The following TTC34 variants were observed in gnomAD, a reference collection of about 807,000 sequenced individuals.
The protein encoded by TTC34 is tetratricopeptide repeat domain 34, also known as tetratricopeptide repeat protein 34.
Under a neutral mutation model 40.7 loss-of-function variants are expected in TTC34, and 44 were observed. That is an observed-to-expected ratio of 1.08 (90% CI 0.85 to 1.39). The LOEUF (loss-of-function observed/expected upper bound fraction) is 1.39. Among genes scored for constraint, TTC34 ranks in the 40% most tolerant of loss-of-function variants. TTC34 has a pLI of 0.00. For synonymous variants in TTC34, 422 were observed against 398.6 expected (o/e 1.06, Z -0.70); for missense variants, 884 against 838.0 (o/e 1.05, Z -0.68).
At chr1:2,685,931 C>T (rs1640318462) in intron 6 of TTC34, among the ~76,000 whole-genome samples, 3 of 145,132 alleles carry the variant, frequency 2.1e-5, no homozygotes, top group Non-Finnish European at 3.0e-5. Context: ...CCCAGGTGAG[C>T]ATGTGACAGC....
intron 6 of TTC34, among the ~76,000 whole-genome samples, chr1:2,683,873 C>A (rs1441181938): frequency 2.1e-3 from 296 of 143,184 alleles, no homozygotes; most frequent in African/African-American, 6.6e-3. Context: ...AGAACCCACA[C>A]CCCGAGGCGA....
intron 6 of TTC34, among the ~76,000 whole-genome samples, chr1:2,764,496 C>G (rs1371806634): frequency 6.7e-6 from 1 of 149,856 alleles, no homozygotes; most frequent in Admixed American, 6.7e-5. Flanking sequence ...GGAGCAGCGT[C>G]CACACCCCCA....
In TTC34 at chr1:2,645,587, G is replaced by GGGGGGGGGGGGCCCC; in HGVS notation, c.2227-25_2227-24insGGGGCCCCCCCCCCC. ...TCCTGCAAGGAGGGAGGGCGGGCGG[G>GGGGGGGGGGGGCCCC]TGCAGAGTTGTCCTAAGTAGAGAAA... On this transcript the variant is annotated intron_variant, in intron 6 of 8. Transcript: ENST00000401095. This position sits in a 1 kb window ranked among gnomAD's most constrained non-coding sequence, Gnocchi z 4.7. 2 of 229,534 alleles carry GGGGGGGGGGGGCCCC rather than the reference G, an allele frequency of 8.7e-6. No homozygotes were observed. Among genetic ancestry groups the GGGGGGGGGGGGCCCC allele is most frequent in the Non-Finnish European group, 1.7e-5 (2 of 116,456 alleles). 14.2% of individuals were successfully genotyped at this position (229,534 alleles called of 1,614,324 possible). A position where few individuals can be genotyped will look rare whatever the true frequency, so the allele number is the denominator to read the frequency against.
In TTC34 at chr1:2,645,584, C is replaced by T. The variant is rs781725254; in HGVS notation, c.2227-21G>A. ...GCTTCCTGCAAGGAGGGAGGGCGGG[C>T]GGGTGCAGAGTTGTCCTAAGTAGAG... On this transcript the variant is annotated intron_variant, in intron 6 of 8. Transcript: ENST00000401095. This position sits in a 1 kb window ranked among gnomAD's most constrained non-coding sequence, Gnocchi z 4.7. 34 of 42,418 alleles carry T rather than the reference C, an allele frequency of 8.0e-4. No homozygotes were observed. The highest frequency in any genetic ancestry group is 8.6e-3 in the Middle Eastern group (1 of 116). The allele number at this position is 42,418 out of a possible 1,614,324, so 2.6% of individuals were successfully genotyped here.
intron 6 of TTC34, among the ~76,000 whole-genome samples, chr1:2,765,724 GAGCATCTGACAGCCTGGAGCAGCGCC>G (rs1641768802): frequency 2.0e-5 from 1 of 50,132 alleles, no homozygotes; most frequent in Non-Finnish European, 3.2e-5. Flanking sequence ...ACCCCCAGGC[GAGCATCTGACAGCCTGGAGCAGCGCC>G]CACACCCCCA....
chr1:2,794,007 T>G (rs973902029), intron 2 of TTC34, among the ~76,000 whole-genome samples: 2 of 151,132 alleles, frequency 1.3e-5, no homozygotes, highest in African/African-American at 4.9e-5. Flanking sequence ...ATAGATATTC[T>G]TTCTTTTCTG....
intron 4 of TTC34, among the ~76,000 whole-genome samples, chr1:2,786,349 C>T (rs1322472927): frequency 3.3e-5 from 5 of 152,204 alleles, no homozygotes; most frequent in Admixed American, 6.5e-5. Context: ...GGAGGTTGGC[C>T]GTGTGTTGCG....
intron 6 of TTC34, among the ~76,000 whole-genome samples, chr1:2,751,805 A>G (rs1641329544): frequency 8.8e-6 from 1 of 114,158 alleles, no homozygotes; most frequent in Non-Finnish European, 1.7e-5. Context: ...AGCAGCAGCC[A>G]CATCCCCAGG....
intron 6 of TTC34, among the ~76,000 whole-genome samples, chr1:2,751,521 CCTG>C (rs1641318812): frequency 8.8e-6 from 1 of 113,582 alleles, no homozygotes; most frequent in Admixed American, 9.0e-5. Context: ...TGAACAGCAC[CCTG>C]CACCCCCAGG....
chr1:2,660,742 C>A lies in TTC34; in HGVS notation c.2227-15179G>T, dbSNP rs1427516660. On this transcript the variant is annotated intron_variant, in intron 6 of 8. Transcript: ENST00000401095. ...GTGAGCATCTGACATCGTGGAGCAG[C>A]ACCCCACACCCACAGGTGAGCATCT... 2.0e-5 allele frequency among the ~76,000 whole-genome samples: 2 copies of A among 99,012 alleles called. 1 individual carries two copies. The highest frequency in any genetic ancestry group is 4.1e-5 in the Non-Finnish European group (2 of 48,518). 65.0% of individuals were successfully genotyped at this position (99,012 alleles called of 152,430 possible). A position where few individuals can be genotyped will look rare whatever the true frequency, so the allele number is the denominator to read the frequency against.
At chr1:2,760,724 C>A (rs1488540895) in intron 6 of TTC34, among the ~76,000 whole-genome samples, 1 of 20,738 alleles carries the variant, frequency 4.8e-5, no homozygotes, top group South Asian at 3.3e-3. Context: ...AGCACCCACA[C>A]CCCAGGTGAG....
Position 2,645,308 on chromosome 1 carries a change from T to A in TTC34, c.2482A>T (p.Ile828Phe), listed in dbSNP as rs569475492. ...CGCCGCATACCCTGTGCCATGAGAATGTCTGCCAGGAGGAGGTGCCAGTGC... is the reference window on the plus strand; with the variant it reads ...CGCCGCATACCCTGTGCCATGAGAAAGTCTGCCAGGAGGAGGTGCCAGTGC... The change falls in exon 7 of 9, where the codon ATT becomes TTT. Residue 828 changes from isoleucine (I) to phenylalanine (F), a missense_variant. Coordinates refer to ENST00000401095, the Ensembl canonical transcript of TTC34. The surrounding 1 kb of genome is among the most constrained non-coding windows in gnomAD (Gnocchi z 4.7). 36 of 1,496,516 alleles carry A rather than the reference T, an allele frequency of 2.4e-5. No homozygotes were observed. The highest frequency in any genetic ancestry group is 3.1e-5 in the Non-Finnish European group (35 of 1,125,434). 92.7% of individuals were successfully genotyped at this position (1,496,516 alleles called of 1,614,324 possible). A position where few individuals can be genotyped will look rare whatever the true frequency, so the allele number is the denominator to read the frequency against.
chr1:2,793,691 T>G (rs1643685336), intron 2 of TTC34, among the ~76,000 whole-genome samples: 1 of 152,230 alleles, frequency 6.6e-6, no homozygotes. Context: ...CTTTTCTTTC[T>G]CTATAGATTT....
chr1:2,769,567 C>T (rs1360229853), intron 6 of TTC34, among the ~76,000 whole-genome samples: 3 of 119,918 alleles, frequency 2.5e-5, no homozygotes, highest in South Asian at 3.0e-4. Context: ...GAGCATCTGA[C>T]ATCCTGGAAC....
chr1:2,751,376 C>A (rs1282495353), intron 6 of TTC34, among the ~76,000 whole-genome samples: 2,684 of 16,890 alleles, frequency 0.16, 2 homozygotes, highest in East Asian at 0.22. Flanking sequence ...CCCCCAGGTG[C>A]GCATCTGATG....
At chr1:2,775,226 C>A (rs1642994963) in intron 6 of TTC34, 1 of 150,500 alleles carries the variant, frequency 6.6e-6, no homozygotes, top group Non-Finnish European at 1.5e-5. Context: ...ACAGCATCCA[C>A]ACCCCCAGGC....
At chr1:2,768,614 C>T (rs1352196710) in intron 6 of TTC34, among the ~76,000 whole-genome samples, 5 of 151,974 alleles carry the variant, frequency 3.3e-5, no homozygotes, top group East Asian at 3.9e-4. Context: ...TGGAATGGTA[C>T]CCCACATGCA....
At chr1:2,759,590 C>T (rs1641623803) in intron 6 of TTC34, among the ~76,000 whole-genome samples, 1 of 152,128 alleles carries the variant, frequency 6.6e-6, no homozygotes. Flanking sequence ...CCTGGAACAG[C>T]ACCCACACCG....
intron 6 of TTC34, among the ~76,000 whole-genome samples, chr1:2,760,146 G>A (rs1641648354): frequency 9.2e-6 from 1 of 108,560 alleles, no homozygotes; most frequent in Admixed American, 8.8e-5. Flanking sequence ...CTGACAACCT[G>A]GAGCAGCACC....
Sources: allele counts gnomAD v4.1 joint callset (sites outside exome capture counted in the v4.1 genomes callset), GRCh38; gene constraint gnomAD v4.1.1; non-coding constraint Gnocchi (gnomAD v3.1); transcripts MANE v1.5; gene names NCBI Gene and HGNC (gene_info 2026-07-23, HGNC 2026-07-21).